Variants in ZFP36L1 observed in about 807,000 individuals in gnomAD.
ZFP36L1 encodes ZFP36 like 1 zinc finger CCCH-type, also known as mRNA decay activator protein ZFP36L1.
A neutral mutation model predicts 16.7 loss-of-function variants in ZFP36L1; 4 were observed. The ratio of observed to expected loss-of-function variants is 0.24; its 90% CI spans 0.12 to 0.55. The LOEUF is 0.55. Among genes scored for constraint, ZFP36L1 ranks in the 20% least tolerant of loss-of-function variants. ZFP36L1 has a pLI of 0.94. For synonymous variants in ZFP36L1, 220 were observed against 190.8 expected (o/e 1.15, Z -1.26); for missense variants, 311 against 449.2 (o/e 0.69, Z 2.78).
At chr14:68,795,867 C>T (rs1895239194), upstream of ZFP36L1, 2 of 601,590 alleles carry the variant, frequency 3.3e-6, no homozygotes, top group Non-Finnish European at 6.2e-6. Flanking sequence ...GCTGACCCGG[C>T]GTCCCCGCCG....
chr14:68,794,440 T>G (rs1895194403), upstream of ZFP36L1: 1 of 152,220 alleles, frequency 6.6e-6, no homozygotes, highest in African/African-American at 2.4e-5. Context: ...AATAAAAAGT[T>G]AACGAGTCCC....
rs141102986 is a variant in ZFP36L1, at chr14:68,789,508, G to A, written c.*25C>T. On this transcript the variant is annotated 3_prime_UTR_variant, in exon 2 of 2. Transcript: ENST00000439696. The surrounding 1 kb of genome is among the most constrained non-coding windows in gnomAD (Gnocchi z 4.5). ...GGGTGCAGGGTAGGGGCTGGAGTAG[G>A]CAGGAGGTCCCTCCCTACCCTGGCT... The A allele has an allele frequency of 3.7e-6, 6 of 1,612,334 alleles. No homozygotes were observed. The South Asian group carries it at 6.6e-5, about 18-fold the overall frequency.
chr14:68,789,990 C>G lies in ZFP36L1; in HGVS notation c.560G>C (p.Gly187Ala), dbSNP rs1367876868. ...ACGGTCAGCGGAGAGGTCCCGGGCC[C>G]CGGCCAGGGCACGGCGCTCTTCAGC... ...HNAEERRALA[G>A]ARDLSADRPR... Residue 187 changes from glycine (G) to alanine (A), a missense_variant, in exon 2 of 2, where the codon GGG (glycine) becomes GCG (alanine). By Grantham distance (60) the Gly-to-Ala change is moderately conservative (BLOSUM62 0). Transcript: ENST00000439696. The surrounding 1 kb of genome is among the most constrained non-coding windows in gnomAD (Gnocchi z 4.5). The G allele has an allele frequency of 1.2e-6, 2 of 1,606,236 alleles. No individual in the cohort carries two copies. The highest frequency in any genetic ancestry group is 1.7e-6 in the Non-Finnish European group (2 of 1,176,710).
chr14:68,789,526 C>T lies in ZFP36L1; in HGVS notation c.*7G>A, dbSNP rs888938512. 3 of 1,612,872 alleles carry T rather than the reference C, an allele frequency of 1.9e-6. No individual in the cohort carries two copies. Among genetic ancestry groups the T allele is most frequent in the Non-Finnish European group, 2.5e-6 (3 of 1,179,964 alleles). On this transcript the variant is annotated 3_prime_UTR_variant, in exon 2 of 2. Transcript: ENST00000439696. This position sits in a 1 kb window ranked among gnomAD's most constrained non-coding sequence, Gnocchi z 4.5. ...GGAGTAGGCAGGAGGTCCCTCCCTA[C>T]CCTGGCTTAGTCATCTGAGATGGAA... is the stretch of plus-strand genomic sequence containing the variant.
At position 68,789,277 on chromosome 14, in the gene ZFP36L1, A is replaced by C; in HGVS notation, c.*256T>G. 5.9e-6 allele frequency: 3 copies of C among 510,970 alleles called. No homozygotes were observed. The highest frequency in any genetic ancestry group is 1.0e-5 in the Non-Finnish European group (3 of 289,326). The allele number at this position is 510,970 out of a possible 1,614,324, so 31.7% of individuals were successfully genotyped here. A position where few individuals can be genotyped will look rare whatever the true frequency, so the allele number is the denominator to read the frequency against. On this transcript the variant is annotated 3_prime_UTR_variant, in exon 2 of 2. Coordinates refer to ENST00000439696, the MANE Select transcript of ZFP36L1 (RefSeq NM_004926.4). This position sits in a 1 kb window ranked among gnomAD's most constrained non-coding sequence, Gnocchi z 4.5. ...AAAATATGGGACTTGTCTGTTATGC[A>C]TGGTAAGTGGGCTATAAAATCCAGG...
In ZFP36L1 at chr14:68,789,685, A is replaced by C; in HGVS notation, c.865T>G (p.Phe289Val). The change falls in exon 2 of 2, where the codon TTT (phenylalanine) becomes GTT (valine). Residue 289 changes from phenylalanine (F) to valine (V), a missense_variant. By Grantham distance (50) the Phe-to-Val change is conservative (BLOSUM62 -1). Transcript: ENST00000439696. This position sits in a 1 kb window ranked among gnomAD's most constrained non-coding sequence, Gnocchi z 4.5. ...FRPMSESPHM[F>V]DSPPSPQDSL... ...TCCTGAGGGCTGGGGGGAGAGTCAA[A>C]CATGTGAGGGGACTCGGACATGGGC... 6.2e-7 allele frequency: 1 copy of C among 1,614,000 alleles called. No homozygotes were observed. Among genetic ancestry groups the C allele is most frequent in the East Asian group, 2.2e-5 (1 of 44,878 alleles).
intron 1 of ZFP36L1, among the ~76,000 whole-genome samples, chr14:68,792,570 A>G (rs1594718228): frequency 6.6e-6 from 1 of 152,240 alleles, no homozygotes; most frequent in East Asian, 1.9e-4. Context: ...TACGTAAAAC[A>G]GGATCGCCCA....
In ZFP36L1 at chr14:68,789,687, A is replaced by T; in HGVS notation, c.863T>A (p.Met288Lys). ...LFRPMSESPH[M>K]FDSPPSPQDS... is the part of the protein sequence containing the mutation. Reference sequence around the variant, plus strand: ...CTGAGGGCTGGGGGGAGAGTCAAACATGTGAGGGGACTCGGACATGGGCCG... The same window carrying T: ...CTGAGGGCTGGGGGGAGAGTCAAACTTGTGAGGGGACTCGGACATGGGCCG... Residue 288 changes from methionine (M) to lysine (K), a missense_variant, in exon 2 of 2, where the codon ATG becomes AAG. Coordinates refer to ENST00000439696, the MANE Select transcript of ZFP36L1 (RefSeq NM_004926.4). The surrounding 1 kb of genome is among the most constrained non-coding windows in gnomAD (Gnocchi z 4.5). The T allele has an allele frequency of 6.2e-7, 1 of 1,614,050 alleles. No individual in the cohort carries two copies. Among genetic ancestry groups the T allele is most frequent in the Non-Finnish European group, 8.5e-7 (1 of 1,179,970 alleles).
At chr14:68,795,817 T>TGAGGGAGCCGAGAG, upstream of ZFP36L1, 1 of 536,912 alleles carries the variant, frequency 1.9e-6, no homozygotes, top group Non-Finnish European at 3.8e-6. Context: ...TTTCCAAGGG[T>TGAGGGAGCCGAGAG]GAGGGAGCCG....
chr14:68,794,939 T>A (rs962003627), upstream of ZFP36L1, among the ~76,000 whole-genome samples: 1 of 152,222 alleles, frequency 6.6e-6, no homozygotes, highest in Non-Finnish European at 1.5e-5. Flanking sequence ...GCCCCCACTT[T>A]AACTCGGCTG....
chr14:68,791,931 G>A (rs1895083521), intron 1 of ZFP36L1, among the ~76,000 whole-genome samples: 2 of 152,212 alleles, frequency 1.3e-5, no homozygotes, highest in Non-Finnish European at 2.9e-5. Context: ...CGTGTTAAGA[G>A]AAGGCAAAAC....
At chr14:68,792,606 C>T (rs1895122390) in intron 1 of ZFP36L1, among the ~76,000 whole-genome samples, 1 of 152,248 alleles carries the variant, frequency 6.6e-6, no homozygotes, top group Admixed American at 6.5e-5. Flanking sequence ...CCAGCCCTCC[C>T]CCCGAAGCCC....
At position 68,788,133 on chromosome 14, in the gene ZFP36L1, ATT is replaced by A. The variant is rs936190000; in HGVS notation, c.*1398_*1399del. On this transcript the variant is annotated 3_prime_UTR_variant, in exon 2 of 2. Transcript: ENST00000439696. ...TTGCATTTTTTTAAATTAATTTTTC[ATT>A]TTTTTAAAATAAAATAACCAAAAAA... 6.6e-6 allele frequency: 1 copy of A among 152,032 alleles called. No homozygotes were observed. Among genetic ancestry groups the A allele is most frequent in the Non-Finnish European group, 1.5e-5 (1 of 67,992 alleles). 9.4% of individuals were successfully genotyped at this position (152,032 alleles called of 1,614,324 possible).
chr14:68,795,447 C>T (rs2140215401), upstream of ZFP36L1, among the ~76,000 whole-genome samples: 1 of 152,326 alleles, frequency 6.6e-6, no homozygotes, highest in South Asian at 2.1e-4. Context: ...GGCCCCCTTC[C>T]CGGCCCAGGG....
Position 68,789,650 on chromosome 14 carries a change from C to G in ZFP36L1, c.900G>C (p.Ser300=). The G allele has an allele frequency of 6.2e-7, 1 of 1,613,742 alleles. No individual in the cohort carries two copies. Residue 300 remains serine (S), a synonymous_variant, in exon 2 of 2, where the codon TCG becomes TCC. Transcript: ENST00000439696. This position sits in a 1 kb window ranked among gnomAD's most constrained non-coding sequence, Gnocchi z 4.5. ...AGCTGCTCAGGTAGCCCTCCTGGTC[C>G]GAGAGAGAATCCTGAGGGCTGGGGG... ...DSPPSPQDSL[S]DQEGYLSSSS... is the part of the protein sequence containing the mutation.
chr14:68,791,658 G>T (rs1290040381), intron 1 of ZFP36L1, among the ~76,000 whole-genome samples: 1 of 151,664 alleles, frequency 6.6e-6, no homozygotes, highest in Non-Finnish European at 1.5e-5. Context: ...AGTCGTGAGG[G>T]GGGAGGGGGG....
At position 68,789,888 on chromosome 14, in the gene ZFP36L1, T is replaced by C; in HGVS notation, c.662A>G (p.Asp221Gly). Residue 221 changes from aspartate (D) to glycine (G), a missense_variant, in exon 2 of 2, where the codon GAC becomes GGC. By Grantham distance (94) the Asp-to-Gly change is moderately conservative. This residue lies in a region of ZFP36L1 where 147 missense variants were observed against 192.0 expected (regional missense o/e 0.77). Coordinates refer to ENST00000439696, the MANE Select transcript of ZFP36L1 (RefSeq NM_004926.4). This position sits in a 1 kb window ranked among gnomAD's most constrained non-coding sequence, Gnocchi z 4.5. Reference protein sequence around the residue: ...AATAAATGLLDSPTSITPPPI... With the variant: ...AATAAATGLLGSPTSITPPPI... ...GGGTGGGGTGATGGACGTGGGGCTGTCCAGCAGCCCGGTGGCAGCGGCGGT... is the reference window on the plus strand; with the variant it reads ...GGGTGGGGTGATGGACGTGGGGCTGCCCAGCAGCCCGGTGGCAGCGGCGGT... The C allele has an allele frequency of 6.2e-7, 1 of 1,610,288 alleles. No individual in the cohort carries two copies. The highest frequency in any genetic ancestry group is 8.5e-7 in the Non-Finnish European group (1 of 1,179,908).
At position 68,789,800 on chromosome 14, in the gene ZFP36L1, A is replaced by C; in HGVS notation, c.750T>G (p.Pro250=). ...SPTLPDGTNN[P]FAFSSQELAS... is the part of the protein sequence containing the mutation. ...CCAGCTCCTGGCTGGAGAAGGCAAA[A>C]GGGTTATTGGTGCCATCGGGCAGGG... Residue 250 remains proline (P), a synonymous_variant, in exon 2 of 2, where the codon CCT becomes CCG. Coordinates refer to ENST00000439696, the MANE Select transcript of ZFP36L1 (RefSeq NM_004926.4). The surrounding 1 kb of genome is among the most constrained non-coding windows in gnomAD (Gnocchi z 4.5). 6.2e-7 allele frequency: 1 copy of C among 1,613,410 alleles called. No homozygotes were observed. Among genetic ancestry groups the C allele is most frequent in the African/African-American group, 1.3e-5 (1 of 74,980 alleles).
intron 1 of ZFP36L1, chr14:68,791,218 T>C (rs976754339): frequency 5.7e-5 from 32 of 565,764 alleles, no homozygotes; most frequent in Admixed American, 1.5e-4. Context: ...CCCCGCCCCC[T>C]TCACTGAGAA....
Sources: allele counts gnomAD v4.1 joint callset (sites outside exome capture counted in the v4.1 genomes callset), GRCh38; gene constraint gnomAD v4.1.1; regional missense constraint gnomAD v4.1.1; non-coding constraint Gnocchi (gnomAD v3.1); transcripts MANE v1.5; gene names NCBI Gene and HGNC (gene_info 2026-07-23, HGNC 2026-07-21).